The following SMYD1 variants were observed in gnomAD, a reference collection of about 807,000 sequenced individuals.
SMYD1 encodes SET and MYND domain containing 1.
SMYD1 carries 49 observed loss-of-function variants against 54.0 expected under a neutral mutation model. That is an observed-to-expected ratio of 0.91 (90% CI 0.72 to 1.15). SMYD1 has a LOEUF of 1.15. Ranked by LOEUF, SMYD1 falls within the 50% of genes most tolerant of loss-of-function variation. The pLI is 0.00. For synonymous variants in SMYD1, 269 were observed against 234.2 expected, an observed-to-expected ratio of 1.15 and a Z score of -1.36; for missense variants, 653 against 639.6, an observed-to-expected ratio of 1.02 and a Z score of -0.23.
intron 1 of SMYD1, among the ~76,000 whole-genome samples, chr2:88,069,632 T>C (rs1333311828): frequency 6.6e-6 from 1 of 152,214 alleles, no homozygotes; most frequent in Non-Finnish European, 1.5e-5. Flanking sequence ...TCAGTTCCAT[T>C]TCAAGAAGGT....
chr2:88,093,192 T>A (rs1190863562), intron 4 of SMYD1, among the ~76,000 whole-genome samples: 2 of 152,216 alleles, frequency 1.3e-5, no homozygotes, highest in Non-Finnish European at 2.9e-5. Flanking sequence ...ACATTGTGCA[T>A]GTTTTTCCAG....
chr2:88,101,294 T>A (rs1309610639), intron 6 of SMYD1, among the ~76,000 whole-genome samples: 2 of 152,152 alleles, frequency 1.3e-5, no homozygotes, highest in African/African-American at 4.8e-5. Context: ...CTCTTCAGAG[T>A]GAAAAAATTG....
At position 88,091,000 on chromosome 2, in the gene SMYD1, T is replaced by C. The variant is rs1674448079; in HGVS notation, c.529-12T>C. 6.2e-7 allele frequency: 1 copy of C among 1,606,930 alleles called. No homozygotes were observed. Among genetic ancestry groups the C allele is most frequent in the Non-Finnish European group, 8.5e-7 (1 of 1,175,762 alleles). ...TCTGTCGACTGACTCTTTCATCTTTTCCCCTGGGTAGATTAACTGCAACGG... is the reference window on the plus strand; with the variant it reads ...TCTGTCGACTGACTCTTTCATCTTTCCCCCTGGGTAGATTAACTGCAACGG... On this transcript the variant is annotated splice_polypyrimidine_tract_variant and intron_variant, in intron 3 of 9. Transcript: ENST00000419482.
Position 88,108,428 on chromosome 2 carries a change from G to A in SMYD1, c.1203G>A (p.Leu401=). The change falls in exon 9 of 10, where the codon CTG becomes CTA. Residue 401 remains leucine, a synonymous_variant. Coordinates refer to ENST00000419482, the MANE Select transcript of SMYD1 (RefSeq NM_198274.4). ...GCATGGCCGTGATGCGGGCAGGGCT[G>A]ACCAACTGGCATGCTGGTAACATTG... ...QLGMAVMRAG[L]TNWHAGNIEV... The A allele has an allele frequency of 6.2e-7, 1 of 1,613,026 alleles. No homozygotes were observed. The highest frequency in any genetic ancestry group is 8.5e-7 in the Non-Finnish European group (1 of 1,179,558).
chr2:88,084,236 T>A lies in SMYD1; in HGVS notation c.138-80T>A, dbSNP rs192825609. ...AAGGACCAGCCAGCTGAACCAGTACTGGAACACAGGTGTCCCACTGGCTGC... is the reference window on the plus strand; with the variant it reads ...AAGGACCAGCCAGCTGAACCAGTACAGGAACACAGGTGTCCCACTGGCTGC... On this transcript the variant is annotated intron_variant, in intron 1 of 9. Transcript: ENST00000419482. 9 of 1,258,180 alleles carry A rather than the reference T, an allele frequency of 7.2e-6. No homozygotes were observed. In the Admixed American group the frequency reaches 1.6e-4, roughly 23 times the overall value. 77.9% of individuals were successfully genotyped at this position (1,258,180 alleles called of 1,614,324 possible).
At chr2:88,086,609 G>A (rs962743667) in intron 2 of SMYD1, among the ~76,000 whole-genome samples, 5 of 152,158 alleles carry the variant, frequency 3.3e-5, no homozygotes, top group African/African-American at 4.8e-5. Context: ...TGGCATGCCC[G>A]TGGCTGCCTC....
At chr2:88,106,510 CAGAT>C (rs763650870) in intron 8 of SMYD1, 22 bp downstream of exon 8, 6 of 1,605,768 alleles carry the variant, frequency 3.7e-6, no homozygotes, top group East Asian at 2.2e-5. Context: ...TTCTAGGTCT[CAGAT>C]AGTCTCCTGG....
intron 4 of SMYD1, among the ~76,000 whole-genome samples, chr2:88,092,601 A>C (rs1674487808): frequency 1.3e-5 from 2 of 152,196 alleles, no homozygotes; most frequent in South Asian, 4.1e-4. Flanking sequence ...CCAGGCTCTT[A>C]AGTAATTGAG....
At position 88,111,905 on chromosome 2, in the gene SMYD1, G is replaced by A; in HGVS notation, c.*1393G>A. 1.6e-6 allele frequency: 1 copy of A among 616,284 alleles called. No individual in the cohort carries two copies. The highest frequency in any genetic ancestry group is 2.9e-6 in the Non-Finnish European group (1 of 340,946). The allele number at this position is 616,284 out of a possible 1,614,324, so 38.2% of individuals were successfully genotyped here. On this transcript the variant is annotated 3_prime_UTR_variant, in exon 10 of 10. Coordinates refer to ENST00000419482, the MANE Select transcript of SMYD1 (RefSeq NM_198274.4). ...ACCTCAGAGCTGTACCCCACATCTT[G>A]AAGTAAATTGATCCCACCAGGTCCC...
At chr2:88,073,233 G>T (rs148421944) in intron 1 of SMYD1, among the ~76,000 whole-genome samples, 2 of 152,166 alleles carry the variant, frequency 1.3e-5, no homozygotes, top group African/African-American at 2.4e-5. Context: ...TGCAAAGGAC[G>T]TGATTTTGTT....
chr2:88,084,083 A>G (rs1420811307), intron 1 of SMYD1, among the ~76,000 whole-genome samples: 2 of 152,130 alleles, frequency 1.3e-5, no homozygotes, highest in Non-Finnish European at 2.9e-5. Flanking sequence ...GCACTTTAGC[A>G]TGGGCAACAA....
chr2:88,094,092 AGATGGGTCTTAGG>A (rs1674522166), intron 5 of SMYD1, among the ~76,000 whole-genome samples: 1 of 105,510 alleles, frequency 9.5e-6, no homozygotes, highest in South Asian at 2.6e-4. Flanking sequence ...AAATGGCCCC[AGATGGGTCTTAGG>A]GTGGGGTTGA....
intron 6 of SMYD1, among the ~76,000 whole-genome samples, chr2:88,100,944 A>G (rs1225450291): frequency 1.3e-5 from 2 of 152,206 alleles, no homozygotes; most frequent in Non-Finnish European, 2.9e-5. Flanking sequence ...ATACAGAAGG[A>G]TATGGAAACA....
intron 5 of SMYD1, among the ~76,000 whole-genome samples, chr2:88,095,517 G>T (rs1398629391): frequency 6.6e-6 from 1 of 152,190 alleles, no homozygotes; most frequent in Non-Finnish European, 1.5e-5. Context: ...TCAGGTGCTG[G>T]AGTCTTGCCC....
At chr2:88,081,744 C>A (rs1432181901) in intron 1 of SMYD1, among the ~76,000 whole-genome samples, 1 of 152,082 alleles carries the variant, frequency 6.6e-6, no homozygotes, top group Non-Finnish European at 1.5e-5. Flanking sequence ...CCATTTGACC[C>A]TAAATTAATG....
At chr2:88,083,254 G>A (rs1483865021) in intron 1 of SMYD1, 1 of 152,182 alleles carries the variant, frequency 6.6e-6, no homozygotes, top group Non-Finnish European at 1.5e-5. Flanking sequence ...GTGGGAGCAT[G>A]AGGTTGAGGT....
intron 9 of SMYD1, among the ~76,000 whole-genome samples, chr2:88,108,879 T>C (rs1208404163): frequency 6.6e-6 from 1 of 152,082 alleles, no homozygotes; most frequent in Non-Finnish European, 1.5e-5. Context: ...TGTCACCTGA[T>C]GAAAGAGGGA....
intron 6 of SMYD1, among the ~76,000 whole-genome samples, chr2:88,102,518 T>C (rs1042304449): frequency 1.3e-5 from 2 of 152,098 alleles, no homozygotes; most frequent in African/African-American, 4.8e-5. Context: ...TTTGGAAGAG[T>C]TTGAATAATT....
At chr2:88,083,002 T>C (rs923771989) in intron 1 of SMYD1, 1 of 152,216 alleles carries the variant, frequency 6.6e-6, no homozygotes, top group Non-Finnish European at 1.5e-5. Flanking sequence ...TGGCCAGGGA[T>C]AGACACAAAG....
Sources: gnomAD v4.1 joint callset for allele counts (sites outside exome capture counted in the v4.1 genomes callset) on GRCh38, gnomAD v4.1.1 for gene constraint, MANE v1.5 for transcripts, NCBI Gene and HGNC (gene_info 2026-07-23, HGNC 2026-07-21) for gene names.